SZT2: variants seen among roughly 807,000 people sequenced by gnomAD.
The protein encoded by SZT2 is SZT2 subunit of KICSTOR complex.
A neutral mutation model predicts 404.2 loss-of-function variants in SZT2; 216 were observed. The ratio of observed to expected loss-of-function variants is 0.53; its 90% CI spans 0.48 to 0.60. The LOEUF is 0.60. Among genes scored for constraint, SZT2 ranks in the 20% least tolerant of loss-of-function variants. The pLI is 0.00. For missense variants in SZT2, 3,857 were observed against 4,459.2 expected, an observed-to-expected ratio of 0.86 and a Z score of 3.85; for synonymous variants, 1,693 against 1,749.9, an observed-to-expected ratio of 0.97 and a Z score of 0.81.
At position 43,432,524 on chromosome 1, in the gene SZT2, C is replaced by T; in HGVS notation, c.5450C>T (p.Thr1817Ile). Residue 1817 changes from threonine to isoleucine, a missense_variant, in exon 38 of 72, where the codon ACA (threonine) becomes ATA (isoleucine). By Grantham distance (89) the Thr-to-Ile change is moderately conservative. This residue lies in a region of SZT2 where 1,725 missense variants were observed against 1,881.0 expected (regional missense o/e 0.92). Transcript: ENST00000634258. ...TGACTTCCTATTCCTCAGACCCTGA[C>T]AGCCAGCCCCCAAGCACCTGGGTCC... ...RAEGIEGETL[T>I]ASPQAPGSPE... The T allele has an allele frequency of 1.2e-6, 2 of 1,605,270 alleles. No individual in the cohort carries two copies. The highest frequency in any genetic ancestry group is 8.5e-7 in the Non-Finnish European group (1 of 1,175,928).
rs758905735 is a variant in SZT2 at position 43,447,142 on chromosome 1, A to G, written c.9260A>G (p.His3087Arg). Residue 3087 changes from histidine (H) to arginine (R), a missense_variant, in exon 66 of 72, where the codon CAC becomes CGC. Coordinates refer to ENST00000634258, the MANE Select transcript of SZT2 (RefSeq NM_001365999.1). ...CTGGCCCACCACCCTGACGGACCCC[A>G]CTTTGGCCGCAATCACATTTACCAA... ...HFLAHHPDGP[H>R]FGRNHIYQGT... 370 of 1,612,902 alleles carry G rather than the reference A, an allele frequency of 2.3e-4. No individual in the cohort carries two copies. The highest frequency in any genetic ancestry group is 2.9e-4 in the Non-Finnish European group (342 of 1,179,894).
rs754673507 is a variant in SZT2, at chr1:43,448,632, G to C, written c.9990G>C (p.Thr3330=). The C allele has an allele frequency of 6.2e-7, 1 of 1,614,036 alleles. No individual in the cohort carries two copies. Among genetic ancestry groups the C allele is most frequent in the Admixed American group, 1.7e-5 (1 of 59,994 alleles). ...DPQLDCFLSM[T]VSWYQSLIKV... ...CTCAGGACTGCTTCCTATCCATGAC[G>C]GTCTCCTGGTACCAGAGCCTGATCA... The change falls in exon 70 of 72, where the codon ACG becomes ACC. Residue 3330 remains threonine (T), a synonymous_variant. Transcript: ENST00000634258. The surrounding 1 kb of genome is among the most constrained non-coding windows in gnomAD (Gnocchi z 4.2).
chr1:43,399,036 C>T lies in SZT2; in HGVS notation c.28-4141C>T, dbSNP rs543403235. Reference sequence around the variant, plus strand: ...CGGAAGTTGCAGTGAGCCGAGATTGCGCCACTACACTCCAGCCTAGGCGAC... The same window carrying T: ...CGGAAGTTGCAGTGAGCCGAGATTGTGCCACTACACTCCAGCCTAGGCGAC... On this transcript the variant is annotated intron_variant, in intron 1 of 71. Coordinates refer to ENST00000634258, the MANE Select transcript of SZT2 (RefSeq NM_001365999.1). Among the ~76,000 whole-genome samples the T allele has an allele frequency of 2.1e-3, 317 of 151,866 alleles. 1 individual carries two copies. The highest frequency in any genetic ancestry group is 7.3e-3 in the African/African-American group (301 of 41,392).
In SZT2 at chr1:43,404,459, T is replaced by A. The variant is rs2153929819; in HGVS notation, c.407T>A (p.Phe136Tyr). ...SRCLGGLLRP[F>Y]RVPGSCIDFQ... ...TGCTTAGGCGGGCTGCTTCGGCCCT[T>A]CCGAGTGCCTGGATCTTGCATCGAC... The change falls in exon 4 of 72, where the codon TTC becomes TAC. Residue 136 changes from phenylalanine (F) to tyrosine (Y), a missense_variant. Phe to Tyr is a conservative substitution (Grantham distance 22). This residue lies in a region of SZT2 where 536 missense variants were observed against 637.4 expected (regional missense o/e 0.84). Coordinates refer to ENST00000634258, the MANE Select transcript of SZT2 (RefSeq NM_001365999.1). 1.2e-6 allele frequency: 2 copies of A among 1,614,054 alleles called. No individual in the cohort carries two copies. Among genetic ancestry groups the A allele is most frequent in the Middle Eastern group, 1.7e-4 (1 of 6,060 alleles).
Position 43,450,694 on chromosome 1 carries a change from C to A in SZT2, c.*214C>A. 1.3e-6 allele frequency: 1 copy of A among 748,900 alleles called. No homozygotes were observed. Among genetic ancestry groups the A allele is most frequent in the Non-Finnish European group, 2.2e-6 (1 of 447,578 alleles). The allele number at this position is 748,900 out of a possible 1,614,324, so 46.4% of individuals were successfully genotyped here. On this transcript the variant is annotated 3_prime_UTR_variant, in exon 72 of 72. Transcript: ENST00000634258. The surrounding 1 kb of genome is among the most constrained non-coding windows in gnomAD (Gnocchi z 4.3). ...AAACACCCACAGCCACTGACCCATC[C>A]AGGACTCCAGAGAGTCAGGTCAACC... is the stretch of plus-strand genomic sequence containing the variant.
At chr1:43,447,435 C>T in intron 66 of SZT2, 110 bp from the exon 67 acceptor site, 1 of 1,430,650 alleles carries the variant, frequency 7.0e-7, no homozygotes, top group Admixed American at 2.1e-5. Context: ...GAAAGCAGAC[C>T]CACTCTGCCT....
intron 1 of SZT2, among the ~76,000 whole-genome samples, chr1:43,400,266 A>C (rs1455473390): frequency 1.3e-5 from 2 of 152,190 alleles, no homozygotes; most frequent in African/African-American, 4.8e-5. Context: ...GATGTTACAG[A>C]GAGAATATAA....
rs762612615 is a variant in SZT2 at position 43,415,195 on chromosome 1, G to A, written c.612G>A (p.Gln204=). The change falls in exon 5 of 72, where the codon CAG becomes CAA. Residue 204 remains glutamine (Q), a synonymous_variant. Coordinates refer to ENST00000634258, the MANE Select transcript of SZT2 (RefSeq NM_001365999.1). Reference sequence around the variant, plus strand: ...AGGTGGCCACCATGCTGCAGCAGCAGTACGATCCCCAGAGCCAGGTATGTA... The same window carrying A: ...AGGTGGCCACCATGCTGCAGCAGCAATACGATCCCCAGAGCCAGGTATGTA... ...EDKVATMLQQ[Q]YDPQSQAEDQ... 1 of 1,598,018 alleles carries A rather than the reference G, an allele frequency of 6.3e-7. No individual in the cohort carries two copies.
In SZT2 at chr1:43,426,320, C is replaced by T. The variant is rs1024339157; in HGVS notation, c.3044-48C>T. On this transcript the variant is annotated intron_variant, in intron 21 of 71. Coordinates refer to ENST00000634258, the MANE Select transcript of SZT2 (RefSeq NM_001365999.1). The surrounding 1 kb of genome is among the most constrained non-coding windows in gnomAD (Gnocchi z 4.9). ...GCTGGTCAGGGCTGAGCCGGGGGCA[C>T]CGGGCAGCAGGAGGCTCTTGGTGCT... The T allele has an allele frequency of 4.6e-6, 7 of 1,509,220 alleles. No individual in the cohort carries two copies. Among genetic ancestry groups the T allele is most frequent in the South Asian group, 1.2e-5 (1 of 80,436 alleles). The allele number at this position is 1,509,220 out of a possible 1,614,324, so 93.5% of individuals were successfully genotyped here. A position where few individuals can be genotyped will look rare whatever the true frequency, so the allele number is the denominator to read the frequency against.
At chr1:43,392,314 A>C (rs1489063033) in intron 1 of SZT2, among the ~76,000 whole-genome samples, 1 of 152,130 alleles carries the variant, frequency 6.6e-6, no homozygotes, top group East Asian at 1.9e-4. Context: ...GTAAGTGCTC[A>C]GTAGCCCCAT....
In SZT2 at chr1:43,430,634, A is replaced by G; in HGVS notation, c.4619A>G (p.Asp1540Gly). 6.2e-7 allele frequency: 1 copy of G among 1,614,194 alleles called. No homozygotes were observed. The highest frequency in any genetic ancestry group is 1.6e-4 in the Middle Eastern group (1 of 6,062). Residue 1540 changes from aspartate (D) to glycine (G), a missense_variant, in exon 32 of 72, where the codon GAT becomes GGT. By Grantham distance (94) the Asp-to-Gly change is moderately conservative. Coordinates refer to ENST00000634258, the MANE Select transcript of SZT2 (RefSeq NM_001365999.1). ...SLSDVDTVNP[D>G]EDSFSILGGD... ...TCAGACGTAGACACTGTGAATCCTGATGAAGACTCCTTCAGTATCTTGGGG... is the reference window on the plus strand; with the variant it reads ...TCAGACGTAGACACTGTGAATCCTGGTGAAGACTCCTTCAGTATCTTGGGG...
At chr1:43,390,052 G>A in intron 1 of SZT2, 57 bp downstream of exon 1, 1 of 1,373,068 alleles carries the variant, frequency 7.3e-7, no homozygotes, top group Non-Finnish European at 9.4e-7. Flanking sequence ...AGGGTCCGGC[G>A]GGCAGGCGTG....
At chr1:43,413,650 A>T (rs1423840583) in intron 4 of SZT2, among the ~76,000 whole-genome samples, 1 of 152,262 alleles carries the variant, frequency 6.6e-6, no homozygotes, top group African/African-American at 2.4e-5. Flanking sequence ...TGTCATTTGC[A>T]ACAACATGGA....
intron 3 of SZT2, chr1:43,404,038 C>T (rs1430846386): frequency 1.9e-6 from 1 of 527,212 alleles, no homozygotes; most frequent in Admixed American, 3.2e-5. Flanking sequence ...GGCAAAACTC[C>T]CTCTCTATAA....
At chr1:43,414,770 A>G (rs141592617) in intron 4 of SZT2, among the ~76,000 whole-genome samples, 39 of 152,376 alleles carry the variant, frequency 2.6e-4, no homozygotes, top group Non-Finnish European at 4.7e-4. Flanking sequence ...CCTGTAGGCC[A>G]AGGTAGAAGA....
Position 43,443,169 on chromosome 1 carries a change from T to TA in SZT2, c.8420-17dup. 1 of 1,614,056 alleles carries TA rather than the reference T, an allele frequency of 6.2e-7. No individual in the cohort carries two copies. Among genetic ancestry groups the TA allele is most frequent in the Non-Finnish European group, 8.5e-7 (1 of 1,179,984 alleles). ...GAGTGACAATGCCTGGGGCTACTAC[T>TA]AATGCCCTCAACCCTCAGAGCTGGA... On this transcript the variant is annotated intron_variant, in intron 59 of 71. Transcript: ENST00000634258.
In SZT2 at chr1:43,426,463, C is replaced by T. The variant is rs767141982; in HGVS notation, c.3139C>T (p.Arg1047Trp). ...HSCLGQELSD[R>W]EIPLTPVDQA... is the part of the protein sequence containing the mutation. ...CTGCCTGGGGCAGGAGCTGAGTGAC[C>T]GGGAGATCCCACTGACCCCCGTTGA... The change falls in exon 22 of 72, where the codon CGG (arginine) becomes TGG (tryptophan). Residue 1047 changes from arginine (R) to tryptophan (W), a missense_variant. Transcript: ENST00000634258. The surrounding 1 kb of genome is among the most constrained non-coding windows in gnomAD (Gnocchi z 4.9). The T allele has an allele frequency of 2.4e-5, 38 of 1,596,906 alleles. No homozygotes were observed. Among genetic ancestry groups the T allele is most frequent in the South Asian group, 4.4e-5 (4 of 90,652 alleles).
Position 43,433,038 on chromosome 1 carries a change from C to T in SZT2, c.5652C>T (p.Thr1884=), listed in dbSNP as rs1222923201. ...CAGACAGTGAGGGTCCCAATGACAC[C>T]CTTGGTGAGAAGGCCCCCTTCACAT... ...SGSDSEGPND[T]LGEKAPFTLR... Residue 1884 remains threonine (T), a synonymous_variant, in exon 40 of 72, where the codon ACC becomes ACT. Transcript: ENST00000634258. 1.9e-6 allele frequency: 3 copies of T among 1,613,964 alleles called. No homozygotes were observed. In the African/African-American group the frequency reaches 4.0e-5, roughly 22 times the overall value.
chr1:43,422,406 G>A, intron 12 of SZT2, 74 bp from the exon 13 acceptor site: 2 of 1,509,130 alleles, frequency 1.3e-6, no homozygotes, highest in Non-Finnish European at 1.8e-6. Context: ...CTAGAAGAGA[G>A]TGATAGTAGT....
Sources: gnomAD v4.1 joint callset for allele counts (sites outside exome capture counted in the v4.1 genomes callset) on GRCh38, gnomAD v4.1.1 for gene constraint, gnomAD v4.1.1 regional missense constraint, Gnocchi (gnomAD v3.1) non-coding constraint, MANE v1.5 for transcripts, NCBI Gene and HGNC (gene_info 2026-07-23, HGNC 2026-07-21) for gene names.